ZSCAN4: variants seen among roughly 807,000 people sequenced by gnomAD.
ZSCAN4 encodes zinc finger and SCAN domain-containing protein 4.
Under a neutral mutation model 18.3 loss-of-function variants are expected in ZSCAN4, and 18 were observed. The ratio of observed to expected loss-of-function variants is 0.98; its 90% CI spans 0.68 to 1.46. The LOEUF (loss-of-function observed/expected upper bound fraction) is 1.46, where lower values mean the gene tolerates loss of function less well. Ranked by LOEUF, ZSCAN4 falls within the 40% of genes most tolerant of loss-of-function variation. ZSCAN4 has a pLI of 0.00. For synonymous variants in ZSCAN4, 193 were observed against 180.3 expected (o/e 1.07, Z -0.57); for missense variants, 498 against 511.4 (o/e 0.97, Z 0.25).
At position 57,678,277 on chromosome 19, in the gene ZSCAN4, A is replaced by AGAAC; in HGVS notation, c.676_679dup (p.Gly227GlufsTer4). The AGAAC allele has an allele frequency of 6.2e-7, 1 of 1,614,224 alleles. No individual in the cohort carries two copies. The highest frequency in any genetic ancestry group is 8.5e-7 in the Non-Finnish European group (1 of 1,180,048). On this transcript the variant is annotated frameshift_variant, in exon 5 of 5. Coordinates refer to ENST00000318203, the Ensembl canonical transcript of ZSCAN4. LOFTEE classifies it low-confidence loss of function (END_TRUNC). ...GTTTCCCTAATCATCATCCAGGAAG[A>AGAAC]GAACGGTCCTAGGCCTGAAGAGGGA... is the stretch of plus-strand genomic sequence containing the variant.
chr19:57,666,643 G>A (rs2122281023), upstream of ZSCAN4, among the ~76,000 whole-genome samples: 1 of 151,880 alleles, frequency 6.6e-6, no homozygotes, highest in African/African-American at 2.4e-5. Context: ...CAGCACCTGG[G>A]GAGGCTGAGG....
intron 2 of ZSCAN4, among the ~76,000 whole-genome samples, chr19:57,674,104 C>T (rs2122301189): frequency 6.6e-6 from 1 of 152,292 alleles, no homozygotes. Context: ...TTACAATATT[C>T]AGTTCATTTT....
chr19:57,676,553 G>A lies in ZSCAN4; in HGVS notation c.396+12G>A, dbSNP rs1477921295. ...ATCCACCTGCCTTAGTGAGTACAGG[G>A]TTCTAACTTCTGGGATGAGAGACAA... is the stretch of plus-strand genomic sequence containing the variant. On this transcript the variant is annotated intron_variant, in intron 3 of 4. Transcript: ENST00000318203. 3 of 1,586,952 alleles carry A rather than the reference G, an allele frequency of 1.9e-6. No homozygotes were observed. The highest frequency in any genetic ancestry group is 1.4e-5 in the African/African-American group (1 of 73,496).
intron 2 of ZSCAN4, among the ~76,000 whole-genome samples, chr19:57,671,607 G>A (rs1036481975): frequency 8.6e-5 from 13 of 150,764 alleles, no homozygotes; most frequent in African/African-American, 2.2e-4. Context: ...GGAAAGCCTC[G>A]TAGGACAAGG....
intron 2 of ZSCAN4, among the ~76,000 whole-genome samples, chr19:57,673,510 T>C (rs1337133271): frequency 6.6e-6 from 1 of 152,096 alleles, no homozygotes; most frequent in Admixed American, 6.5e-5. Context: ...TGCGTGCCTG[T>C]AGTCCCAGCT....
Position 57,673,163 on chromosome 19 carries a change from C to T in ZSCAN4, c.-106+2596C>T, listed in dbSNP as rs1290527740. On this transcript the variant is annotated intron_variant, in intron 2 of 4. Transcript: ENST00000318203. ...TCCTGGGTTCAAGCGATTCTCCTGC[C>T]TCAGCCTACCGAGTAGCTGGAATTA... Among the ~76,000 whole-genome samples, 4 of 106,848 alleles carry T rather than the reference C, an allele frequency of 3.7e-5. 1 individual carries two copies. Among genetic ancestry groups the T allele is most frequent in the Middle Eastern group, 0.011 (2 of 188 alleles). 70.1% of individuals were successfully genotyped at this position (106,848 alleles called of 152,430 possible). A position where few individuals can be genotyped will look rare whatever the true frequency, so the allele number is the denominator to read the frequency against.
the ZSCAN4 span, among the ~76,000 whole-genome samples, chr19:57,657,148 C>A: frequency 1.3e-5 from 2 of 151,504 alleles, no homozygotes; most frequent in African/African-American, 4.9e-5. Context: ...CCCAGCTACT[C>A]AAGAGGCTGA....
upstream of ZSCAN4, among the ~76,000 whole-genome samples, chr19:57,667,884 T>C (rs1983900254): frequency 7.2e-6 from 1 of 139,598 alleles, no homozygotes; most frequent in South Asian, 2.2e-4. Context: ...TTGTTTTTTT[T>C]TTGTTTGTTT....
the ZSCAN4 span, among the ~76,000 whole-genome samples, chr19:57,656,663 G>A: frequency 1.3e-5 from 2 of 152,210 alleles, no homozygotes; most frequent in South Asian, 4.1e-4. Flanking sequence ...AAAGGAAAGG[G>A]CCAACTACAG....
At chr19:57,671,654 C>T (rs920674895) in intron 2 of ZSCAN4, among the ~76,000 whole-genome samples, 75 of 152,172 alleles carry the variant, frequency 4.9e-4, no homozygotes, top group African/African-American at 1.7e-3. Context: ...GGGGAGCCAT[C>T]CAGAGAGTAG....
the ZSCAN4 span, among the ~76,000 whole-genome samples, chr19:57,656,655 A>G: frequency 6.6e-6 from 1 of 152,262 alleles, no homozygotes. Context: ...CTGTAAAAAA[A>G]GGAAAGGGCC....
chr19:57,675,219 C>G (rs1258355305), intron 2 of ZSCAN4, among the ~76,000 whole-genome samples: 1 of 143,252 alleles, frequency 7.0e-6, no homozygotes, highest in Non-Finnish European at 1.5e-5. Flanking sequence ...GCAATCTTGA[C>G]TCACTGCAAT....
At position 57,678,426 on chromosome 19, in the gene ZSCAN4, ATC is replaced by A. The variant is rs1984257733; in HGVS notation, c.828_829del (p.Gln277ThrfsTer7). The A allele has an allele frequency of 6.2e-7, 1 of 1,614,132 alleles. No individual in the cohort carries two copies. Among genetic ancestry groups the A allele is most frequent in the Non-Finnish European group, 8.5e-7 (1 of 1,180,032 alleles). On this transcript the variant is annotated frameshift_variant, in exon 5 of 5. Coordinates refer to ENST00000318203, the Ensembl canonical transcript of ZSCAN4. LOFTEE classifies it low-confidence loss of function (END_TRUNC). Reference sequence around the variant, plus strand: ...CCCTATGGTGATGGGAGCAGGGTGTATCTCTCAACCAGAGCAGTCCTCCCCTG... The same window carrying A: ...CCCTATGGTGATGGGAGCAGGGTGTATCTCAACCAGAGCAGTCCTCCCCTG...
At chr19:57,661,654 G>A in the ZSCAN4 span, among the ~76,000 whole-genome samples, 1 of 152,152 alleles carries the variant, frequency 6.6e-6, no homozygotes, top group African/African-American at 2.4e-5. Context: ...AAATGTGCCA[G>A]AAACAAAAAT....
upstream of ZSCAN4, chr19:57,664,240 G>C (rs959266322): frequency 6.6e-6 from 1 of 152,120 alleles, no homozygotes. Context: ...TTCCTGGGCA[G>C]ATGAAAGTGA....
At chr19:57,667,962 T>C (rs541984652), upstream of ZSCAN4, among the ~76,000 whole-genome samples, 5 of 152,060 alleles carry the variant, frequency 3.3e-5, no homozygotes, top group African/African-American at 9.7e-5. Flanking sequence ...AGAGCAGTGG[T>C]GCGATCTTGG....
At chr19:57,678,809 G>A (rs1600011890) in exon 5 of ZSCAN4, 1 of 1,614,132 alleles carries the variant, frequency 6.2e-7, no homozygotes, top group East Asian at 2.2e-5. Context: ...CCTTTTGTAA[G>A]ACAAGCTACC....
At chr19:57,657,831 T>A in the ZSCAN4 span, among the ~76,000 whole-genome samples, 3 of 152,194 alleles carry the variant, frequency 2.0e-5, no homozygotes, top group Non-Finnish European at 4.4e-5. Context: ...CCTAATACAA[T>A]GCAAATGCTG....
At chr19:57,659,464 G>A in the ZSCAN4 span, among the ~76,000 whole-genome samples, 1 of 152,186 alleles carries the variant, frequency 6.6e-6, no homozygotes, top group Non-Finnish European at 1.5e-5. Context: ...ACAGCTAACA[G>A]CAGCCTCGAA....
Sources: allele counts gnomAD v4.1 joint callset (sites outside exome capture counted in the v4.1 genomes callset), GRCh38; gene constraint gnomAD v4.1.1; transcripts MANE v1.5; gene names NCBI Gene and HGNC (gene_info 2026-07-23, HGNC 2026-07-21).